FRS2: variants seen among roughly 807,000 people sequenced by gnomAD.
The protein encoded by FRS2 is fibroblast growth factor receptor substrate 2.
Under a neutral mutation model 43.9 loss-of-function variants are expected in FRS2, and 8 were observed. That is an observed-to-expected ratio of 0.18 (90% CI 0.11 to 0.33). The LOEUF is 0.33. Among genes scored for constraint, FRS2 ranks in the 10% least tolerant of loss-of-function variants. The probability of loss-of-function intolerance (pLI) is 1.00; values close to 1 mark genes in which losing one functional copy is unlikely to be tolerated. For missense variants in FRS2, 534 were observed against 627.6 expected, an observed-to-expected ratio of 0.85 and a Z score of 1.59; for synonymous variants, 219 against 220.3, an observed-to-expected ratio of 0.99 and a Z score of 0.05.
Position 69,577,096 on chromosome 12 carries a change from A to G in FRS2, c.*2141A>G, listed in dbSNP as rs1384454306. The G allele has an allele frequency of 6.6e-6, 1 of 152,374 alleles. No individual in the cohort carries two copies. Among genetic ancestry groups the G allele is most frequent in the Non-Finnish European group, 1.5e-5 (1 of 68,004 alleles). The allele number at this position is 152,374 out of a possible 1,614,324, so 9.4% of individuals were successfully genotyped here. On this transcript the variant is annotated 3_prime_UTR_variant, in exon 9 of 9. Transcript: ENST00000549921. ...TATTTATTCATTTTGGAGGTTGGGT[A>G]CTTTATTCTTTCTTTCCGTCATCCT...
At chr12:69,532,497 T>C (rs1172706251) in intron 3 of FRS2, among the ~76,000 whole-genome samples, 2 of 152,170 alleles carry the variant, frequency 1.3e-5, no homozygotes, top group South Asian at 4.1e-4. Context: ...GGAGGAATGC[T>C]GTGTCCTTGC....
chr12:69,486,723 C>T (rs950493239), intron 1 of FRS2, among the ~76,000 whole-genome samples: 2 of 152,128 alleles, frequency 1.3e-5, no homozygotes, highest in African/African-American at 4.8e-5. Context: ...CAGTGAACAT[C>T]CAGATGATAA....
At chr12:69,484,613 AC>A (rs1565716557) in intron 1 of FRS2, among the ~76,000 whole-genome samples, 1 of 152,166 alleles carries the variant, frequency 6.6e-6, no homozygotes, top group Non-Finnish European at 1.5e-5. Context: ...CTCCACTGGT[AC>A]CATGCCAGCA....
chr12:69,492,286 G>C (rs950111847), intron 1 of FRS2, among the ~76,000 whole-genome samples: 8 of 152,176 alleles, frequency 5.3e-5, no homozygotes, highest in Admixed American at 3.9e-4. Flanking sequence ...AAGTAATTTG[G>C]AATTATGAAT....
At position 69,557,619 on chromosome 12, in the gene FRS2, T is replaced by TGTGTGTGC. The variant is rs1555192498; in HGVS notation, c.-121-4560_-121-4559insTGTGTGCG. Among the ~76,000 whole-genome samples, 1,047 of 118,994 alleles carry TGTGTGTGC rather than the reference T, an allele frequency of 8.8e-3. 15 individuals carry two copies. Among genetic ancestry groups the TGTGTGTGC allele is most frequent in the African/African-American group, 0.028 (977 of 35,150 alleles). The allele number at this position is 118,994 out of a possible 152,430, so 78.1% of individuals were successfully genotyped here. ...TTGTGTGTGTGTGTGTGTGTGTGTGTGCGCGCGCGCGCGCGCGCAGGTGCA... is the reference window on the plus strand; with the variant it reads ...TTGTGTGTGTGTGTGTGTGTGTGTGTGTGTGTGCGCGCGCGCGCGCGCGCGCAGGTGCA... On this transcript the variant is annotated intron_variant, in intron 3 of 8. Transcript: ENST00000549921.
intron 3 of FRS2, among the ~76,000 whole-genome samples, chr12:69,552,331 T>C (rs976487872): frequency 5.2e-5 from 7 of 133,956 alleles, no homozygotes; most frequent in Non-Finnish European, 8.1e-5. Context: ...AAAAAAATCA[T>C]GTCTCAGCTT....
intron 3 of FRS2, among the ~76,000 whole-genome samples, chr12:69,536,341 C>G (rs1272036957): frequency 1.3e-5 from 2 of 151,450 alleles, no homozygotes; most frequent in Non-Finnish European, 2.9e-5. Flanking sequence ...CCAGGCCAGT[C>G]TCGAATTCCT....
chr12:69,553,332 A>G (rs1593042266), intron 3 of FRS2, among the ~76,000 whole-genome samples: 1 of 152,092 alleles, frequency 6.6e-6, no homozygotes, highest in African/African-American at 2.4e-5. Flanking sequence ...CAGCCTCCCA[A>G]AGTGCTGGGA....
chr12:69,522,520 CTATT>C (rs904281358), intron 1 of FRS2, among the ~76,000 whole-genome samples: 3 of 152,034 alleles, frequency 2.0e-5, no homozygotes, highest in South Asian at 4.2e-4. Flanking sequence ...AGCAGTCTAT[CTATT>C]AATTTTTTTC....
At chr12:69,470,686 G>A (rs1389971765) in intron 1 of FRS2, among the ~76,000 whole-genome samples, 156 bp downstream of exon 1, 1 of 152,054 alleles carries the variant, frequency 6.6e-6, no homozygotes, top group Non-Finnish European at 1.5e-5. Flanking sequence ...CTCCGGGCCA[G>A]CGGGACGGGA....
chr12:69,538,596 G>A (rs1877570094), intron 3 of FRS2, among the ~76,000 whole-genome samples: 1 of 152,088 alleles, frequency 6.6e-6, no homozygotes, highest in African/African-American at 2.4e-5. Context: ...GGTGGTATGT[G>A]TGTTTTAATT....
In FRS2 at chr12:69,530,977, CTTT is replaced by C. The variant is rs59475670; in HGVS notation, c.-165+32_-165+34del. The C allele has an allele frequency of 6.7e-5, 9 of 134,754 alleles. No homozygotes were observed. The highest frequency in any genetic ancestry group is 1.5e-4 in the Admixed American group (2 of 13,304). The allele number at this position is 134,754 out of a possible 1,614,324, so 8.3% of individuals were successfully genotyped here. On this transcript the variant is annotated intron_variant, in intron 2 of 8. Transcript: ENST00000549921. ...ACCAGCTTGGTAAGTGTGGCCAAAT[CTTT>C]TTTTTTTTTTTTTTAACTTTGTAGT...
chr12:69,522,704 CCTT>C (rs1408615555), intron 1 of FRS2, among the ~76,000 whole-genome samples: 1 of 152,062 alleles, frequency 6.6e-6, no homozygotes, highest in African/African-American at 2.4e-5. Flanking sequence ...TATTTAAGGT[CCTT>C]CTGACTTTTT....
At chr12:69,550,368 C>T (rs1049800744) in intron 3 of FRS2, among the ~76,000 whole-genome samples, 1 of 152,138 alleles carries the variant, frequency 6.6e-6, no homozygotes, top group African/African-American at 2.4e-5. Flanking sequence ...CACTTCCAAA[C>T]CTGCAAAAAC....
At chr12:69,557,594 T>TTGTGTGTGCGTG (rs1555192517) in intron 3 of FRS2, among the ~76,000 whole-genome samples, 1 of 137,026 alleles carries the variant, frequency 7.3e-6, no homozygotes, top group Non-Finnish European at 1.6e-5. Context: ...TGAAGGTTGA[T>TTGTGTGTGCGTG]TGTGTGTGTG....
chr12:69,538,197 T>TTTTATATATATATATATATATATA (rs869192774), intron 3 of FRS2, among the ~76,000 whole-genome samples: 105 of 81,568 alleles, frequency 1.3e-3, no homozygotes, highest in Non-Finnish European at 2.2e-3. Context: ...AAAACAAATT[T>TTTTATATATATATATATATATATA]TATATATATA....
At chr12:69,521,339 G>A (rs1565743596) in intron 1 of FRS2, among the ~76,000 whole-genome samples, 2 of 152,122 alleles carry the variant, frequency 1.3e-5, no homozygotes, top group African/African-American at 4.8e-5. Flanking sequence ...GAATTATGTT[G>A]TCTGCAAACA....
intron 3 of FRS2, among the ~76,000 whole-genome samples, chr12:69,558,205 C>T (rs982737907): frequency 6.6e-6 from 1 of 152,084 alleles, no homozygotes; most frequent in African/African-American, 2.4e-5. Context: ...CAGTTGCTGT[C>T]GGGGGAATGT....
intron 1 of FRS2, among the ~76,000 whole-genome samples, chr12:69,488,544 C>T (rs221091): frequency 0.8 from 121,362 of 152,182 alleles, 49,286 homozygotes; most frequent in African/African-American, 0.94. Context: ...TGTGACTTGC[C>T]TTATTGCAAA....
Sources: allele counts gnomAD v4.1 joint callset (sites outside exome capture counted in the v4.1 genomes callset), GRCh38; gene constraint gnomAD v4.1.1; transcripts MANE v1.5; gene names NCBI Gene and HGNC (gene_info 2026-07-23, HGNC 2026-07-21).